FBXL18: variants seen among roughly 807,000 people sequenced by gnomAD.
FBXL18 encodes F-box/LRR-repeat protein 18.
FBXL18 carries 36 observed loss-of-function variants against 46.0 expected under a neutral mutation model. The ratio of observed to expected loss-of-function variants is 0.78; its 90% CI spans 0.60 to 1.03. The LOEUF is 1.03. Among genes scored for constraint, FBXL18 ranks in the 50% least tolerant of loss-of-function variants. FBXL18 has a pLI of 0.00. For missense variants in FBXL18, 977 were observed against 1,004.1 expected, an observed-to-expected ratio of 0.97 and a Z score of 0.36; for synonymous variants, 557 against 465.3, an observed-to-expected ratio of 1.20 and a Z score of -2.54.
chr7:5,501,916 C>G lies in FBXL18; in HGVS notation c.353G>C (p.Cys118Ser). ...PGSTVEHVAR[C>S]RSLVKVNLSG... is the part of the protein sequence containing the mutation. Reference sequence around the variant, plus strand: ...GAGGTTCACCTTCACCAGGCTGCGGCAGCGGGCCACGTGTTCCACGGTGGA... The same window carrying G: ...GAGGTTCACCTTCACCAGGCTGCGGGAGCGGGCCACGTGTTCCACGGTGGA... Residue 118 changes from cysteine to serine, a missense_variant, in exon 3 of 5, where the codon TGC becomes TCC. Physicochemically the swap from Cys to Ser is moderately radical, Grantham distance 112 (BLOSUM62 -1). Coordinates refer to ENST00000382368, the MANE Select transcript of FBXL18 (RefSeq NM_024963.6). 6.2e-7 allele frequency: 1 copy of G among 1,602,266 alleles called. No individual in the cohort carries two copies. Among genetic ancestry groups the G allele is most frequent in the Non-Finnish European group, 8.5e-7 (1 of 1,175,782 alleles).
chr7:5,500,947 A>T lies in FBXL18; in HGVS notation c.1322T>A (p.Met441Lys). The change falls in exon 3 of 5, where the codon ATG (methionine) becomes AAG (lysine). Residue 441 changes from methionine to lysine, a missense_variant. Met to Lys is a moderately conservative substitution (Grantham distance 95). Coordinates refer to ENST00000382368, the MANE Select transcript of FBXL18 (RefSeq NM_024963.6). Reference protein sequence around the residue: ...RADRAPAQPAMHAVPRGFGKK... With the variant: ...RADRAPAQPAKHAVPRGFGKK... ...GCCAAAGCCGCGCGGCACTGCGTGC[A>T]TGGCCGGCTGGGCGGGCGCGCGGTC... 1 of 1,545,370 alleles carries T rather than the reference A, an allele frequency of 6.5e-7. No individual in the cohort carries two copies. Among genetic ancestry groups the T allele is most frequent in the Non-Finnish European group, 8.7e-7 (1 of 1,149,850 alleles).
At position 5,491,374 on chromosome 7, in the gene FBXL18, C is replaced by T. The variant is rs1292261445; in HGVS notation, c.1857G>A (p.Leu619=). ...GGGTGCCGCTGCGAGAGACCAGGCACAGGCGCTGCAGCGAGGGGCACTGGC... is the reference window on the plus strand; with the variant it reads ...GGGTGCCGCTGCGAGAGACCAGGCATAGGCGCTGCAGCGAGGGGCACTGGC... ...ALSQCPSLQR[L]CLVSRSGTLQ... Residue 619 remains leucine, a synonymous_variant, in exon 4 of 5, where the codon CTG becomes CTA. Transcript: ENST00000382368. 6.2e-7 allele frequency: 1 copy of T among 1,609,064 alleles called. No individual in the cohort carries two copies. The highest frequency in any genetic ancestry group is 2.2e-5 in the East Asian group (1 of 44,772).
downstream of FBXL18, among the ~76,000 whole-genome samples, chr7:5,470,880 G>A (rs1783417730): frequency 6.6e-6 from 1 of 152,172 alleles, no homozygotes; most frequent in African/African-American, 2.4e-5. Flanking sequence ...GAGAAAGGCT[G>A]GCCGGGTTCC....
At chr7:5,502,806 G>A (rs181408303) in intron 2 of FBXL18, among the ~76,000 whole-genome samples, 392 of 147,882 alleles carry the variant, frequency 2.7e-3, no homozygotes, top group Middle Eastern at 6.9e-3. Context: ...CCAACCTGGT[G>A]ACAGAGCAAG....
At chr7:5,507,606 C>G (rs113302171) in intron 1 of FBXL18, among the ~76,000 whole-genome samples, 2,955 of 151,516 alleles carry the variant, frequency 0.02, 113 homozygotes, top group African/African-American at 0.069. Context: ...GAGGCCGAGG[C>G]GGGGAAATCA....
chr7:5,486,447 A>C (rs1324884180), intron 4 of FBXL18, among the ~76,000 whole-genome samples: 1 of 151,742 alleles, frequency 6.6e-6, no homozygotes, highest in Non-Finnish European at 1.5e-5. Flanking sequence ...CAACAAAGAA[A>C]ACAAAGCCAG....
chr7:5,508,439 CTAAAAA>C (rs1244905859), intron 1 of FBXL18, among the ~76,000 whole-genome samples: 12 of 81,714 alleles, frequency 1.5e-4, no homozygotes, highest in Non-Finnish European at 2.6e-4. Flanking sequence ...GAGACTTTGT[CTAAAAA>C]AAAAAAAAAA....
chr7:5,503,776 G>A (rs1388138353), intron 2 of FBXL18, among the ~76,000 whole-genome samples: 1 of 151,974 alleles, frequency 6.6e-6, no homozygotes, highest in Non-Finnish European at 1.5e-5. Context: ...AGACCAGCCT[G>A]ATCAACATGG....
intron 4 of FBXL18, chr7:5,490,151 C>G (rs768975292): frequency 7.4e-7 from 1 of 1,358,312 alleles, no homozygotes; most frequent in Admixed American, 1.9e-5. Context: ...GACGTCCTGG[C>G]TGATGGCTCT....
rs1584235205 is a variant in FBXL18, at chr7:5,501,344, G to C, written c.925C>G (p.Gln309Glu). ...AACGGGTTGTTGAATTTCATGTGCT[G>C]CAGGAGGGAAGAGCCGTTCAGCCAG... ...KSWLNGSSLLQHMKFNNPFYF... is the reference protein window; with the variant it reads ...KSWLNGSSLLEHMKFNNPFYF... The change falls in exon 3 of 5, where the codon CAG (glutamine) becomes GAG (glutamate). Residue 309 changes from glutamine to glutamate, a missense_variant. Gln to Glu is a conservative substitution (Grantham distance 29). Transcript: ENST00000382368. The C allele has an allele frequency of 2.5e-6, 4 of 1,614,156 alleles. No homozygotes were observed. In the Admixed American group the frequency reaches 6.7e-5, roughly 27 times the overall value.
intron 3 of FBXL18, chr7:5,495,678 G>A (rs539105592): frequency 4.2e-5 from 14 of 335,124 alleles, no homozygotes; most frequent in South Asian, 1.9e-4. Flanking sequence ...ATGCGGCCTC[G>A]GAGCATCGTG....
chr7:5,512,307 A>G, intron 1 of FBXL18, among the ~76,000 whole-genome samples: 1 of 147,746 alleles, frequency 6.8e-6, no homozygotes, highest in African/African-American at 2.5e-5. Flanking sequence ...TAAAAAAAAA[A>G]AAAAAAAAAA....
chr7:5,474,207 G>C (rs186658355), downstream of FBXL18, among the ~76,000 whole-genome samples: 1 of 152,216 alleles, frequency 6.6e-6, no homozygotes, highest in Admixed American at 6.5e-5. Flanking sequence ...TGTTTAATGG[G>C]GACAGAGTTT....
At chr7:5,506,256 CTTT>C (rs200542556) in intron 1 of FBXL18, among the ~76,000 whole-genome samples, 2 of 100,702 alleles carry the variant, frequency 2.0e-5, no homozygotes, top group Admixed American at 2.0e-4. Context: ...TTTTTTTTTT[CTTT>C]TTTTTTTTAG....
intron 4 of FBXL18, among the ~76,000 whole-genome samples, chr7:5,482,533 C>T (rs1252350246): frequency 6.6e-6 from 1 of 151,324 alleles, no homozygotes; most frequent in African/African-American, 2.4e-5. Context: ...GACCAGCCCC[C>T]GCCACGCTGT....
downstream of FBXL18, among the ~76,000 whole-genome samples, chr7:5,475,502 T>C (rs1018628869): frequency 6.6e-6 from 1 of 152,170 alleles, no homozygotes; most frequent in African/African-American, 2.4e-5. This position sits in a 1 kb window ranked among gnomAD's most constrained non-coding sequence, Gnocchi z 4.2. Flanking sequence ...CCAGTGTACC[T>C]GCACTGCTCC....
chr7:5,482,422 G>A (rs1388535992), intron 4 of FBXL18, among the ~76,000 whole-genome samples: 2 of 152,202 alleles, frequency 1.3e-5, no homozygotes, highest in Non-Finnish European at 2.9e-5. Flanking sequence ...GCAGTCGCTG[G>A]GAGGAGCAGA....
intron 4 of FBXL18, among the ~76,000 whole-genome samples, chr7:5,487,040 G>A (rs1357756009): frequency 6.6e-6 from 1 of 152,276 alleles, no homozygotes; most frequent in Non-Finnish European, 1.5e-5. Context: ...GGGGCCTGCG[G>A]CCGGTTCCCG....
rs765953836 is a variant in FBXL18 at position 5,455,032 on chromosome 7, A to G, written c.2001-7189T>C. 1.3e-5 allele frequency among the ~76,000 whole-genome samples: 2 copies of G among 152,176 alleles called. No individual in the cohort carries two copies. Among genetic ancestry groups the G allele is most frequent in the African/African-American group, 4.8e-5 (2 of 41,446 alleles). ...GTGCTCTAAGAGTGATCCCAGTCAC[A>G]CTGGCACTCCGAGTGCCACCTTCCA... On this transcript the variant is annotated intron_variant and NMD_transcript_variant, in intron 4 of 6. Coordinates refer to the FBXL18 transcript ENST00000415009. This position sits in a 1 kb window ranked among gnomAD's most constrained non-coding sequence, Gnocchi z 4.6.
Sources: gnomAD v4.1 joint callset for allele counts (sites outside exome capture counted in the v4.1 genomes callset) on GRCh38, gnomAD v4.1.1 for gene constraint, Gnocchi (gnomAD v3.1) non-coding constraint, MANE v1.5 for transcripts, NCBI Gene and HGNC (gene_info 2026-07-23, HGNC 2026-07-21) for gene names.